Variants in ODAD2 observed in about 807,000 individuals in gnomAD.
ODAD2 encodes the protein outer dynein arm docking complex subunit 2, also known as outer dynein arm-docking complex subunit 2.
Under a neutral mutation model 106.8 loss-of-function variants are expected in ODAD2, and 89 were observed. The ratio of observed to expected loss-of-function variants is 0.83; its 90% CI spans 0.70 to 0.99. ODAD2 has a LOEUF of 0.99. Ranked by LOEUF, ODAD2 falls within the 50% of genes least tolerant of loss-of-function variation. The pLI, the probability that ODAD2 is intolerant of heterozygous loss-of-function variation, is 0.00. For missense variants in ODAD2, 1,168 were observed against 1,238.5 expected, an observed-to-expected ratio of 0.94 and a Z score of 0.85; for synonymous variants, 404 against 436.2, an observed-to-expected ratio of 0.93 and a Z score of 0.92.
At position 27,837,307 on chromosome 10, in the gene ODAD2, G is replaced by C. The variant is rs998836162; in HGVS notation, c.3021+23318C>G. ...AGTGTTTCTACACTTCTTTGATAAAGACAGTTAATTCCCAAGGAGGTTTTT... is the reference window on the plus strand; with the variant it reads ...AGTGTTTCTACACTTCTTTGATAAACACAGTTAATTCCCAAGGAGGTTTTT... On this transcript the variant is annotated intron_variant, in intron 19 of 19. Coordinates refer to ENST00000305242, the MANE Select transcript of ODAD2 (RefSeq NM_018076.5). Among the ~76,000 whole-genome samples, 49 of 152,202 alleles carry C rather than the reference G, an allele frequency of 3.2e-4. 2 individuals carry two copies. Among genetic ancestry groups the C allele is most frequent in the Admixed American group, 2.0e-4 (3 of 15,282 alleles).
At chr10:27,907,015 A>T (rs1016399704) in intron 17 of ODAD2, among the ~76,000 whole-genome samples, 7 of 151,792 alleles carry the variant, frequency 4.6e-5, no homozygotes, top group Admixed American at 2.0e-4. Flanking sequence ...AGTATAATTT[A>T]AAAAAAAATT....
chr10:27,926,670 A>G (rs1439172823), intron 16 of ODAD2, among the ~76,000 whole-genome samples: 1 of 152,182 alleles, frequency 6.6e-6, no homozygotes, highest in African/African-American at 2.4e-5. Context: ...GCTATTTCAA[A>G]GTAAAATTTA....
Position 27,907,782 on chromosome 10 carries a change from C to A in ODAD2, c.2496-5G>T. The A allele has an allele frequency of 6.3e-7, 1 of 1,593,902 alleles. No homozygotes were observed. The highest frequency in any genetic ancestry group is 8.6e-7 in the Non-Finnish European group (1 of 1,162,110). On this transcript the variant is annotated splice_polypyrimidine_tract_variant and splice_region_variant and intron_variant, in intron 16 of 19. Transcript: ENST00000305242. ...CCATCTAAGCGATCAATTATCCTAT[C>A]GTGGAACCCAAAATCATGATATAAA...
chr10:27,901,456 CATA>C (rs1318440317), intron 17 of ODAD2, among the ~76,000 whole-genome samples: 1 of 152,142 alleles, frequency 6.6e-6, no homozygotes, highest in African/African-American at 2.4e-5. Flanking sequence ...CAAATTCACA[CATA>C]ATAATATTAA....
intron 10 of ODAD2, 74 bp from the exon 11 acceptor site, chr10:27,945,036 T>G (rs1458285002): frequency 1.3e-6 from 2 of 1,544,464 alleles, no homozygotes; most frequent in Admixed American, 3.5e-5. Context: ...TAGTTACGAA[T>G]CCATGAACTG....
At chr10:27,860,442 G>T (rs1231914700) in intron 19 of ODAD2, among the ~76,000 whole-genome samples, 183 bp downstream of exon 19, 2 of 152,124 alleles carry the variant, frequency 1.3e-5, no homozygotes, top group African/African-American at 4.8e-5. Context: ...AACACAGCGA[G>T]ACCTTGTTTA....
chr10:27,821,718 CA>C (rs1279682046), intron 19 of ODAD2, among the ~76,000 whole-genome samples: 1 of 152,180 alleles, frequency 6.6e-6, no homozygotes, highest in Non-Finnish European at 1.5e-5. Flanking sequence ...AAGTGAACTA[CA>C]AATTTGGTAC....
intron 17 of ODAD2, among the ~76,000 whole-genome samples, chr10:27,903,329 C>A (rs1843346283): frequency 1.3e-5 from 2 of 152,068 alleles, no homozygotes; most frequent in South Asian, 4.2e-4. Context: ...TATGACAAAC[C>A]CACAGCCAAT....
rs1330044876 is a variant in ODAD2 at position 27,935,281 on chromosome 10, T to C, written c.2253-29A>G. 1.9e-6 allele frequency: 3 copies of C among 1,611,372 alleles called. No homozygotes were observed. The East Asian group carries it at 6.7e-5, about 36-fold the overall frequency. The stretch of plus-strand genomic sequence containing the variant: ...AGTTCATCATAAGAAAGAGGAGAAT[T>C]GGTTTTTGTATAAGGTTTGCTAAAA... On this transcript the variant is annotated intron_variant, in intron 15 of 19. Transcript: ENST00000305242.
At chr10:27,828,754 T>C (rs994364714) in intron 19 of ODAD2, among the ~76,000 whole-genome samples, 3 of 152,182 alleles carry the variant, frequency 2.0e-5, no homozygotes, top group Non-Finnish European at 2.9e-5. Context: ...CTCTAGGAAA[T>C]GCTAAGAATT....
chr10:27,963,645 A>AACTTGTTG (rs1319705717), intron 9 of ODAD2, among the ~76,000 whole-genome samples: 3,887 of 152,210 alleles, frequency 0.026, 151 homozygotes, highest in African/African-American at 0.079. Flanking sequence ...CCAATAATAG[A>AACTTGTTG]CTATTTATGG....
intron 16 of ODAD2, among the ~76,000 whole-genome samples, chr10:27,924,019 A>AAAGG (rs1845035249): frequency 6.9e-6 from 1 of 144,548 alleles, no homozygotes; most frequent in South Asian, 2.2e-4. Flanking sequence ...AGAAAGAAAG[A>AAAGG]AAGAAGGAAA....
At chr10:27,898,767 C>G (rs1843005780) in intron 17 of ODAD2, among the ~76,000 whole-genome samples, 1 of 151,854 alleles carries the variant, frequency 6.6e-6, no homozygotes, top group South Asian at 2.1e-4. Flanking sequence ...GAATACATTG[C>G]CAAAATACAT....
intron 17 of ODAD2, among the ~76,000 whole-genome samples, chr10:27,876,645 T>C (rs974042828): frequency 6.6e-6 from 1 of 152,232 alleles, no homozygotes; most frequent in South Asian, 2.1e-4. Flanking sequence ...AGGTCTGAGA[T>C]AACGTCTCTG....
At chr10:27,862,776 C>G (rs1247559380) in intron 17 of ODAD2, among the ~76,000 whole-genome samples, 154 bp from the exon 18 acceptor site, 1 of 129,850 alleles carries the variant, frequency 7.7e-6, no homozygotes, top group Non-Finnish European at 1.8e-5. Flanking sequence ...ATTATTTCTA[C>G]ATGTATATGT....
At chr10:27,855,450 C>A (rs377200778) in intron 19 of ODAD2, among the ~76,000 whole-genome samples, 127 of 152,230 alleles carry the variant, frequency 8.3e-4, no homozygotes, top group African/African-American at 3.0e-3. Flanking sequence ...ACCTAGTAAA[C>A]TCTTCTCGGC....
chr10:27,953,014 T>TA (rs375053558), intron 10 of ODAD2, among the ~76,000 whole-genome samples: 9 of 152,214 alleles, frequency 5.9e-5, no homozygotes, highest in African/African-American at 1.9e-4. Context: ...ATAATTGATA[T>TA]AAAAAAATGC....
At chr10:27,840,192 T>C (rs1008999928) in intron 19 of ODAD2, among the ~76,000 whole-genome samples, 13 of 152,230 alleles carry the variant, frequency 8.5e-5, no homozygotes, top group Admixed American at 8.5e-4. Flanking sequence ...GTACATTTTT[T>C]TCTATTTTTA....
intron 16 of ODAD2, among the ~76,000 whole-genome samples, chr10:27,918,635 G>C (rs1443474206): frequency 6.6e-6 from 1 of 151,736 alleles, no homozygotes; most frequent in African/African-American, 2.4e-5. Context: ...CCAAGATTAG[G>C]TACAGAACAT....
Sources: gnomAD v4.1 joint callset for allele counts (sites outside exome capture counted in the v4.1 genomes callset) on GRCh38, gnomAD v4.1.1 for gene constraint, MANE v1.5 for transcripts, NCBI Gene and HGNC (gene_info 2026-07-23, HGNC 2026-07-21) for gene names.